PPA2: variants seen among roughly 807,000 people sequenced by gnomAD.
The protein encoded by PPA2 is inorganic pyrophosphatase 2, mitochondrial.
Under a neutral mutation model 49.5 loss-of-function variants are expected in PPA2, and 48 were observed. The ratio of observed to expected loss-of-function variants is 0.97; its 90% confidence interval spans 0.77 to 1.23. The LOEUF (loss-of-function observed/expected upper bound fraction) is 1.23, where lower values mean the gene tolerates loss of function less well. Ranked by LOEUF, PPA2 falls within the 50% of genes most tolerant of loss-of-function variation. The pLI, the probability that PPA2 is intolerant of heterozygous loss-of-function variation, is 0.00. For synonymous variants in PPA2, 131 were observed against 139.9 expected (o/e 0.94, Z 0.45); for missense variants, 429 against 410.1 (o/e 1.05, Z -0.40).
At chr4:105,392,921 T>C (rs182049687) in intron 9 of PPA2, among the ~76,000 whole-genome samples, 1 of 152,278 alleles carries the variant, frequency 6.6e-6, no homozygotes, top group African/African-American at 2.4e-5. Context: ...AGTACTGGCA[T>C]TTCAACTAGC....
At chr4:105,430,954 A>G (rs1723773102) in intron 6 of PPA2, among the ~76,000 whole-genome samples, 1 of 152,194 alleles carries the variant, frequency 6.6e-6, no homozygotes, top group African/African-American at 2.4e-5. Flanking sequence ...CAACGGTTAA[A>G]TAATTTTTGC....
intron 6 of PPA2, among the ~76,000 whole-genome samples, chr4:105,434,599 G>C (rs930400910): frequency 6.6e-6 from 1 of 152,156 alleles, no homozygotes; most frequent in Non-Finnish European, 1.5e-5. Flanking sequence ...GACTCTGGCA[G>C]CAGGGTATAA....
At chr4:105,412,575 G>T (rs543836504) in intron 7 of PPA2, among the ~76,000 whole-genome samples, 12 of 152,138 alleles carry the variant, frequency 7.9e-5, no homozygotes, top group African/African-American at 2.9e-4. Flanking sequence ...GAAAATTTTC[G>T]CAATCTACCC....
intron 5 of PPA2, among the ~76,000 whole-genome samples, chr4:105,441,644 C>A (rs2110294798): frequency 6.6e-6 from 1 of 152,044 alleles, no homozygotes; most frequent in East Asian, 1.9e-4. Flanking sequence ...TATTTACTAT[C>A]TATACAGAAA....
intron 5 of PPA2, among the ~76,000 whole-genome samples, chr4:105,442,377 G>A (rs1724412082): frequency 6.6e-6 from 1 of 152,122 alleles, no homozygotes; most frequent in South Asian, 2.1e-4. Context: ...GAGAGATTTA[G>A]TCACTTGTCT....
At chr4:105,462,892 G>A (rs144029728) in intron 1 of PPA2, among the ~76,000 whole-genome samples, 5 of 152,298 alleles carry the variant, frequency 3.3e-5, no homozygotes, top group African/African-American at 1.2e-4. Flanking sequence ...ATGATAGTGA[G>A]GCCTCCCTAC....
intron 4 of PPA2, among the ~76,000 whole-genome samples, chr4:105,449,130 T>C (rs1014005110): frequency 8.0e-6 from 1 of 124,354 alleles, no homozygotes; most frequent in Non-Finnish European, 1.6e-5. Flanking sequence ...GGCAGGAGAA[T>C]GGCGTGAACC....
At chr4:105,445,264 A>T (rs1724556490) in intron 5 of PPA2, among the ~76,000 whole-genome samples, 1 of 152,196 alleles carries the variant, frequency 6.6e-6, no homozygotes, top group Non-Finnish European at 1.5e-5. Flanking sequence ...CATTTCCTAC[A>T]GGCTGCATCC....
chr4:105,377,228 G>C (rs1376142787), intron 10 of PPA2, among the ~76,000 whole-genome samples: 1 of 152,162 alleles, frequency 6.6e-6, no homozygotes, highest in Non-Finnish European at 1.5e-5. Flanking sequence ...ATCATTAGAA[G>C]TATTGGAAAG....
At chr4:105,399,435 T>C (rs1305700331) in intron 7 of PPA2, 1 of 241,664 alleles carries the variant, frequency 4.1e-6, no homozygotes, top group African/African-American at 2.2e-5. Flanking sequence ...AATGGATGGA[T>C]ACAACAAAGT....
intron 7 of PPA2, among the ~76,000 whole-genome samples, chr4:105,422,574 A>T (rs894183426): frequency 6.6e-6 from 1 of 152,240 alleles, no homozygotes; most frequent in African/African-American, 2.4e-5. Flanking sequence ...AGAATCAAGG[A>T]TGAATTGCTT....
chr4:105,383,209 G>C (rs1045283397), intron 10 of PPA2, among the ~76,000 whole-genome samples: 1 of 151,976 alleles, frequency 6.6e-6, no homozygotes, highest in Non-Finnish European at 1.5e-5. Context: ...ATCTATATTT[G>C]TAAACAAAGC....
At chr4:105,397,396 G>A (rs537680299) in intron 8 of PPA2, among the ~76,000 whole-genome samples, 5 of 152,142 alleles carry the variant, frequency 3.3e-5, no homozygotes, top group Non-Finnish European at 7.3e-5. Flanking sequence ...ATTATGTAAG[G>A]ATAGATTTTT....
At chr4:105,371,968 A>G (rs13108489) in intron 10 of PPA2, among the ~76,000 whole-genome samples, 49,244 of 151,658 alleles carry the variant, frequency 0.32, 8,412 homozygotes, top group African/African-American at 0.43. Flanking sequence ...CACATGGGTA[A>G]TAATTTAGTA....
At chr4:105,385,425 C>A (rs544381162) in intron 10 of PPA2, among the ~76,000 whole-genome samples, 96 of 149,424 alleles carry the variant, frequency 6.4e-4, no homozygotes, top group Middle Eastern at 3.4e-3. Context: ...AAACAAAAAA[C>A]AAACAAACAA....
At chr4:105,443,372 T>C (rs189768429) in intron 5 of PPA2, among the ~76,000 whole-genome samples, 21 of 141,834 alleles carry the variant, frequency 1.5e-4, no homozygotes, top group Non-Finnish European at 2.6e-4. Context: ...GAGATGAGAT[T>C]AAAAAGATAA....
chr4:105,397,097 G>C (rs535633077), intron 8 of PPA2, among the ~76,000 whole-genome samples: 2 of 152,284 alleles, frequency 1.3e-5, no homozygotes, highest in South Asian at 2.1e-4. Flanking sequence ...AAGTTCTTTA[G>C]AGTTTTTTCC....
At chr4:105,400,856 C>T (rs769526472) in intron 7 of PPA2, among the ~76,000 whole-genome samples, 4 of 151,990 alleles carry the variant, frequency 2.6e-5, no homozygotes, top group Non-Finnish European at 5.9e-5. Context: ...TAAGCAAAGA[C>T]ACAAATTAGG....
At chr4:105,408,937 A>G (rs1053282610) in intron 7 of PPA2, among the ~76,000 whole-genome samples, 2 of 152,214 alleles carry the variant, frequency 1.3e-5, no homozygotes, top group African/African-American at 4.8e-5. Context: ...GTCACTTCCA[A>G]AATGGCCAAA....
Sources: gnomAD v4.1 joint callset for allele counts (sites outside exome capture counted in the v4.1 genomes callset) on GRCh38, gnomAD v4.1.1 for gene constraint, MANE v1.5 for transcripts, NCBI Gene and HGNC (gene_info 2026-07-23, HGNC 2026-07-21) for gene names.